ELL: variants seen among roughly 807,000 people sequenced by gnomAD.
ELL encodes RNA polymerase II elongation factor ELL.
Under a neutral mutation model 64.0 loss-of-function variants are expected in ELL, and 18 were observed. The observed-to-expected ratio is 0.28, with a 90% CI of 0.19 to 0.42. The LOEUF (loss-of-function observed/expected upper bound fraction) is 0.42, where lower values mean the gene tolerates loss of function less well. ELL is among the 10% of genes least tolerant of loss of function. ELL has a pLI of 1.00. For missense variants in ELL, 797 were observed against 870.4 expected (o/e 0.92, Z 1.06); for synonymous variants, 399 against 376.2 (o/e 1.06, Z -0.70).
intron 1 of ELL, among the ~76,000 whole-genome samples, chr19:18,481,861 G>A (rs894214137): frequency 2.0e-5 from 3 of 152,190 alleles, no homozygotes; most frequent in Non-Finnish European, 2.9e-5. Flanking sequence ...ATTTCACTTG[G>A]TGAACACCCA....
In ELL at chr19:18,451,642, C is replaced by G; in HGVS notation, c.876G>C (p.Leu292=). The change falls in exon 7 of 12, where the codon CTG becomes CTC. Residue 292 remains leucine (L), a synonymous_variant. Coordinates refer to ENST00000262809, the MANE Select transcript of ELL (RefSeq NM_006532.4). ...GGCTGCCAGTGCTCTGTGGCTGGCA[C>G]AGCTTCCTGCGAAGGAGAGGCAGGG... ...QLLKRVLVRK[L]CQPQSTGSLL... The G allele has an allele frequency of 2.0e-6, 3 of 1,498,012 alleles. No individual in the cohort carries two copies. 92.8% of individuals were successfully genotyped at this position (1,498,012 alleles called of 1,614,324 possible). A position where few individuals can be genotyped will look rare whatever the true frequency, so the allele number is the denominator to read the frequency against.
chr19:18,509,587 GCGCGCGCACATACACACACA>G (rs1975961429), intron 1 of ELL, among the ~76,000 whole-genome samples: 2 of 112,844 alleles, frequency 1.8e-5, no homozygotes, highest in East Asian at 2.3e-4. Flanking sequence ...GCACGTGCGC[GCGCGCGCACATACACACACA>G]CACACACACA....
At chr19:18,474,714 C>T (rs1975141448) in intron 1 of ELL, among the ~76,000 whole-genome samples, 1 of 152,238 alleles carries the variant, frequency 6.6e-6, no homozygotes, top group Admixed American at 6.5e-5. Context: ...TCAGGAAGGG[C>T]TAGCCCTGTA....
intron 1 of ELL, among the ~76,000 whole-genome samples, chr19:18,481,050 C>G (rs941458632): frequency 6.6e-6 from 1 of 152,176 alleles, no homozygotes; most frequent in African/African-American, 2.4e-5. Flanking sequence ...GGCCTCTACA[C>G]GCTCCACGCA....
intron 1 of ELL, among the ~76,000 whole-genome samples, chr19:18,486,628 G>A (rs999505663): frequency 2.9e-4 from 44 of 152,322 alleles, no homozygotes; most frequent in Admixed American, 7.8e-4. Flanking sequence ...CACGTCAGCC[G>A]CCTGGATGAT....
chr19:18,510,818 T>TA (rs891457414), intron 1 of ELL, among the ~76,000 whole-genome samples: 1 of 152,062 alleles, frequency 6.6e-6, no homozygotes, highest in African/African-American at 2.4e-5. Flanking sequence ...CTCAAAAAAT[T>TA]AAACACAGAA....
In ELL at chr19:18,465,420, C is replaced by G. The variant is rs1322026543; in HGVS notation, c.461G>C (p.Arg154Pro). The G allele has an allele frequency of 6.3e-7, 1 of 1,597,712 alleles. No homozygotes were observed. The highest frequency in any genetic ancestry group is 1.3e-5 in the African/African-American group (1 of 74,684). The change falls in exon 4 of 12, where the codon CGC (arginine) becomes CCC (proline). Residue 154 changes from arginine (R) to proline (P), a missense_variant. By Grantham distance (103) the Arg-to-Pro change is moderately radical. Coordinates refer to ENST00000262809, the MANE Select transcript of ELL (RefSeq NM_006532.4). The stretch of plus-strand genomic sequence containing the variant: ...CCAAACCCACTGCTCACCCAGGTAG[C>G]GGCCTCCAGCCTTGATGACAATGGC... The part of the protein sequence containing the change: ...RSAIVIKAGG[R>P]YLGKKVQFRK...
intron 1 of ELL, among the ~76,000 whole-genome samples, chr19:18,498,612 G>A (rs1975712699): frequency 6.6e-6 from 1 of 152,164 alleles, no homozygotes; most frequent in Admixed American, 6.5e-5. Context: ...CCAGCAGCTG[G>A]GCTGGCCTCT....
At chr19:18,519,500 G>C (rs1347107372) in intron 1 of ELL, among the ~76,000 whole-genome samples, 1 of 152,184 alleles carries the variant, frequency 6.6e-6, no homozygotes, top group African/African-American at 2.4e-5. Flanking sequence ...CCATGGGCAA[G>C]ATTAAATTCG....
At chr19:18,482,794 T>TTGTTGTTGTTGTTGC (rs139501319) in intron 1 of ELL, among the ~76,000 whole-genome samples, 36 of 150,178 alleles carry the variant, frequency 2.4e-4, no homozygotes, top group African/African-American at 7.0e-4. Context: ...GTTGTTGTTG[T>TTGTTGTTGTTGTTGC]TGCTGCTGTT....
chr19:18,507,241 C>T lies in ELL; in HGVS notation c.135+14680G>A, dbSNP rs1272568799. Among the ~76,000 whole-genome samples, 3 of 152,244 alleles carry T rather than the reference C, an allele frequency of 2.0e-5. No individual in the cohort carries two copies. The East Asian group carries it at 5.8e-4, about 29-fold the overall frequency. On this transcript the variant is annotated intron_variant, in intron 1 of 11. Coordinates refer to ENST00000262809, the MANE Select transcript of ELL (RefSeq NM_006532.4). ...CTCCCTGCCCTCAGATACCTCCCTG[C>T]ACAGTCTGTGCCTGGCCTGTGGCAG...
intron 2 of ELL, chr19:18,472,550 C>G (rs1975085182): frequency 2.3e-6 from 1 of 436,710 alleles, no homozygotes; most frequent in African/African-American, 2.0e-5. Context: ...GGGTTGGGGG[C>G]CCCTGCCCTA....
intron 1 of ELL, among the ~76,000 whole-genome samples, chr19:18,503,365 G>A (rs1328327376): frequency 2.0e-5 from 3 of 152,234 alleles, no homozygotes; most frequent in African/African-American, 7.2e-5. Flanking sequence ...GCAAGGGAGT[G>A]AAGCAGACCC....
chr19:18,446,075 C>T (rs1974407649), intron 10 of ELL: 4 of 561,950 alleles, frequency 7.1e-6, no homozygotes, highest in South Asian at 7.0e-5. Context: ...TCACAGCTGT[C>T]CCCACTGCAA....
chr19:18,474,473 AC>A (rs780925151), intron 1 of ELL, among the ~76,000 whole-genome samples: 2 of 152,124 alleles, frequency 1.3e-5, no homozygotes, highest in Non-Finnish European at 2.9e-5. Flanking sequence ...CGCTAACACC[AC>A]CCAGGCCGTG....
At chr19:18,460,890 A>G (rs1452947272) in intron 5 of ELL, among the ~76,000 whole-genome samples, 2 of 152,118 alleles carry the variant, frequency 1.3e-5, no homozygotes, top group African/African-American at 4.8e-5. Flanking sequence ...TAGCCTGGCT[A>G]ATGTTCTGAA....
chr19:18,462,373 G>GTGTGTTT (rs1174404170), intron 4 of ELL, among the ~76,000 whole-genome samples: 1 of 82,174 alleles, frequency 1.2e-5, no homozygotes, highest in African/African-American at 6.7e-5. Flanking sequence ...GTTTGGGCGG[G>GTGTGTTT]GGGCGGGGGG....
Position 18,491,444 on chromosome 19 carries a change from C to A in ELL, c.136-18562G>T, listed in dbSNP as rs114524664. Reference sequence around the variant, plus strand: ...AGTAGACTTTGAGTAAAGCAGATCACCCTCCAACGTATGGGTGGGCCTCGT... The same window carrying A: ...AGTAGACTTTGAGTAAAGCAGATCAACCTCCAACGTATGGGTGGGCCTCGT... On this transcript the variant is annotated intron_variant, in intron 1 of 11. Coordinates refer to ENST00000262809, the MANE Select transcript of ELL (RefSeq NM_006532.4). Among the ~76,000 whole-genome samples the A allele has an allele frequency of 6.2e-3, 946 of 151,994 alleles. 5 individuals are homozygous for A. The highest frequency in any genetic ancestry group is 0.02 in the African/African-American group (834 of 41,454).
At chr19:18,513,691 G>C (rs929546460) in intron 1 of ELL, among the ~76,000 whole-genome samples, 3 of 152,312 alleles carry the variant, frequency 2.0e-5, no homozygotes, top group Non-Finnish European at 2.9e-5. Flanking sequence ...CAGCACTTTG[G>C]GAGGCTGAGG....
Sources: gnomAD v4.1 joint callset for allele counts (sites outside exome capture counted in the v4.1 genomes callset) on GRCh38, gnomAD v4.1.1 for gene constraint, MANE v1.5 for transcripts, NCBI Gene and HGNC (gene_info 2026-07-23, HGNC 2026-07-21) for gene names.